PHACTR1: variants seen among roughly 807,000 people sequenced by gnomAD.
PHACTR1 encodes phosphatase and actin regulator 1.
In PHACTR1, 16 loss-of-function variants were observed where a neutral mutation model predicts 69.2. The observed-to-expected ratio is 0.23, with a 90% confidence interval of 0.16 to 0.35. The LOEUF is 0.35. Ranked by LOEUF, PHACTR1 falls within the 10% of genes least tolerant of loss-of-function variation. PHACTR1 has a pLI of 1.00. For missense variants in PHACTR1, 510 were observed against 734.7 expected (o/e 0.69, Z 3.54); for synonymous variants, 312 against 284.5 (o/e 1.10, Z -0.97).
At chr6:12,955,846 G>A (rs371900819) in intron 4 of PHACTR1, among the ~76,000 whole-genome samples, 65 of 152,184 alleles carry the variant, frequency 4.3e-4, no homozygotes, top group African/African-American at 1.5e-3. Context: ...TAGGAGACCC[G>A]TCTTCTAACT....
chr6:13,194,683 A>G (rs1764124778), intron 7 of PHACTR1, among the ~76,000 whole-genome samples: 1 of 152,238 alleles, frequency 6.6e-6, no homozygotes. Context: ...CATGATAAGT[A>G]TGTAAGGTGA....
At chr6:12,934,639 T>C (rs1309194336) in intron 4 of PHACTR1, among the ~76,000 whole-genome samples, 3 of 152,066 alleles carry the variant, frequency 2.0e-5, no homozygotes, top group Admixed American at 2.0e-4. Context: ...AGTTTGAGAC[T>C]AGCCTGGCCA....
rs1355659351 is a variant in PHACTR1 at position 13,144,770 on chromosome 6, C to CAAA, written c.416-15433_416-15432insAAA. Among the ~76,000 whole-genome samples, 6 of 17,360 alleles carry CAAA rather than the reference C, an allele frequency of 3.5e-4. 3 individuals carry two copies. The highest frequency in any genetic ancestry group is 3.7e-4 in the Non-Finnish European group (2 of 5,452). The allele number at this position is 17,360 out of a possible 152,430, so 11.4% of individuals were successfully genotyped here. Reference sequence around the variant, plus strand: ...TGGGCAACAGACTGAGACCCTGTCTCAGAAAAAAAAAAAAAAAAAAAGTAT... The same window carrying CAAA: ...TGGGCAACAGACTGAGACCCTGTCTCAAAAGAAAAAAAAAAAAAAAAAAAGTAT... On this transcript the variant is annotated intron_variant, in intron 5 of 14. Coordinates refer to ENST00000332995, the MANE Select transcript of PHACTR1 (RefSeq NM_030948.6).
intron 5 of PHACTR1, among the ~76,000 whole-genome samples, chr6:13,070,165 T>A (rs1809286317): frequency 6.6e-6 from 1 of 152,234 alleles, no homozygotes; most frequent in African/African-American, 2.4e-5. Context: ...CTCAATTTCA[T>A]TTCCTTATCT....
At chr6:13,217,341 T>A (rs1562010806) in intron 8 of PHACTR1, among the ~76,000 whole-genome samples, 1 of 152,230 alleles carries the variant, frequency 6.6e-6, no homozygotes, top group African/African-American at 2.4e-5. Flanking sequence ...CGCACCATTC[T>A]GCTGACTCTC....
At chr6:12,977,170 T>A (rs1020744026) in intron 4 of PHACTR1, among the ~76,000 whole-genome samples, 4 of 152,180 alleles carry the variant, frequency 2.6e-5, no homozygotes, top group African/African-American at 9.7e-5. Flanking sequence ...TAGGCTGGTC[T>A]TGAACTCTTG....
intron 4 of PHACTR1, among the ~76,000 whole-genome samples, chr6:12,808,738 T>C (rs1375652300): frequency 1.3e-5 from 2 of 151,208 alleles, no homozygotes; most frequent in Admixed American, 6.6e-5. Context: ...AGTAGTGATT[T>C]TTAGTTTCTT....
At chr6:12,999,405 C>A (rs919628485) in intron 4 of PHACTR1, among the ~76,000 whole-genome samples, 1 of 152,136 alleles carries the variant, frequency 6.6e-6, no homozygotes, top group Non-Finnish European at 1.5e-5. Flanking sequence ...CAAGACCAGC[C>A]TGGCCAAGAT....
At chr6:12,894,969 T>C (rs377027142) in intron 4 of PHACTR1, among the ~76,000 whole-genome samples, 2 of 152,178 alleles carry the variant, frequency 1.3e-5, no homozygotes, top group East Asian at 1.9e-4. Flanking sequence ...TGAATATCTC[T>C]TTCTTGTTCA....
intron 5 of PHACTR1, among the ~76,000 whole-genome samples, chr6:13,133,403 C>G (rs1432025574): frequency 6.6e-6 from 1 of 151,824 alleles, no homozygotes; most frequent in Non-Finnish European, 1.5e-5. Flanking sequence ...GTCTGATTCT[C>G]CTGCCTCAGC....
chr6:12,992,050 G>T (rs771419168), intron 4 of PHACTR1, among the ~76,000 whole-genome samples: 1 of 150,438 alleles, frequency 6.6e-6, no homozygotes, highest in Non-Finnish European at 1.5e-5. Context: ...ATTTTACCAC[G>T]TCCCAAAGTT....
chr6:13,263,238 G>GTT (rs57164668), intron 10 of PHACTR1, among the ~76,000 whole-genome samples: 53 of 84,264 alleles, frequency 6.3e-4, no homozygotes, highest in East Asian at 3.9e-3. Flanking sequence ...GGCTTTTAGT[G>GTT]TTTTTTTTTT....
chr6:12,750,365 G>A (rs1461499775), intron 4 of PHACTR1, among the ~76,000 whole-genome samples: 1 of 152,090 alleles, frequency 6.6e-6, no homozygotes. Flanking sequence ...GCTGTCCCTG[G>A]AACTGGTGCC....
chr6:12,722,136 G>A (rs1317136072), intron 3 of PHACTR1, among the ~76,000 whole-genome samples: 1 of 152,208 alleles, frequency 6.6e-6, no homozygotes, highest in Non-Finnish European at 1.5e-5. Context: ...TGAAAGTACA[G>A]TATGGGGTTA....
Position 13,176,272 on chromosome 6 carries a change from A to G in PHACTR1, c.497-6247A>G, listed in dbSNP as rs1469300342. Among the ~76,000 whole-genome samples the G allele has an allele frequency of 2.6e-5, 4 of 152,210 alleles. No individual in the cohort carries two copies. In the East Asian group the frequency reaches 5.8e-4, roughly 22 times the overall value. The stretch of plus-strand genomic sequence containing the variant: ...CCAGATTCACTTCAGAGCTTTGCCA[A>G]CCTGCACTCATATTTCATTTTCATG... On this transcript the variant is annotated intron_variant, in intron 6 of 14. Coordinates refer to ENST00000332995, the MANE Select transcript of PHACTR1 (RefSeq NM_030948.6).
intron 4 of PHACTR1, among the ~76,000 whole-genome samples, chr6:12,982,696 CT>C (rs1174723377): frequency 6.6e-6 from 1 of 152,114 alleles, no homozygotes; most frequent in Non-Finnish European, 1.5e-5. Context: ...CTAAAGTTCC[CT>C]TTCCAGGCTT....
intron 3 of PHACTR1, among the ~76,000 whole-genome samples, chr6:12,735,078 G>A (rs1390353179): frequency 2.0e-5 from 3 of 152,140 alleles, no homozygotes; most frequent in African/African-American, 7.2e-5. Flanking sequence ...TGGGGTTTAG[G>A]GTCTGAGGTG....
chr6:13,223,887 C>T (rs1194356534), intron 8 of PHACTR1, among the ~76,000 whole-genome samples: 2 of 152,152 alleles, frequency 1.3e-5, no homozygotes, highest in Non-Finnish European at 2.9e-5. Flanking sequence ...TTCAGTTATT[C>T]ATTGAGGATG....
chr6:13,064,932 A>T (rs189468344), intron 5 of PHACTR1, among the ~76,000 whole-genome samples: 41 of 152,102 alleles, frequency 2.7e-4, no homozygotes, highest in Middle Eastern at 3.4e-3. Context: ...GAACGCCTCA[A>T]CTCATCTGTT....
Sources: gnomAD v4.1 joint callset for allele counts (sites outside exome capture counted in the v4.1 genomes callset) on GRCh38, gnomAD v4.1.1 for gene constraint, MANE v1.5 for transcripts, NCBI Gene and HGNC (gene_info 2026-07-23, HGNC 2026-07-21) for gene names.